The following SLC7A7 variants were observed in gnomAD, a reference collection of about 807,000 sequenced individuals.
SLC7A7 encodes the protein solute carrier family 7 member 7.
A neutral mutation model predicts 47.9 loss-of-function variants in SLC7A7; 39 were observed. The ratio of observed to expected loss-of-function variants is 0.81; its 90% CI spans 0.63 to 1.06. The LOEUF (loss-of-function observed/expected upper bound fraction) is 1.06, where lower values mean the gene tolerates loss of function less well. Ranked by LOEUF, SLC7A7 falls within the 50% of genes least tolerant of loss-of-function variation. The probability of loss-of-function intolerance (pLI) is 0.00; values close to 1 mark genes in which losing one functional copy is unlikely to be tolerated. For synonymous variants in SLC7A7, 234 were observed against 242.8 expected (o/e 0.96, Z 0.34); for missense variants, 588 against 632.0 (o/e 0.93, Z 0.75).
chr14:22,798,909 A>G (rs8006959), intron 2 of SLC7A7, among the ~76,000 whole-genome samples: 11,956 of 152,138 alleles, frequency 0.079, 551 homozygotes, highest in African/African-American at 0.12. Flanking sequence ...CACCTCCCCA[A>G]TTAACTACAC....
chr14:22,804,936 G>T (rs2039175461), intron 2 of SLC7A7, among the ~76,000 whole-genome samples: 1 of 152,234 alleles, frequency 6.6e-6, no homozygotes, highest in African/African-American at 2.4e-5. Context: ...GAACTTGGGA[G>T]GCGGAGGTTG....
At chr14:22,795,441 T>C (rs1209285696) in intron 2 of SLC7A7, among the ~76,000 whole-genome samples, 5 of 50,600 alleles carry the variant, frequency 9.9e-5, no homozygotes, top group African/African-American at 3.0e-4. Flanking sequence ...TTTCTTTCTT[T>C]CTTTTCTATT....
intron 2 of SLC7A7, among the ~76,000 whole-genome samples, chr14:22,781,369 C>T (rs899442002): frequency 6.6e-6 from 1 of 152,122 alleles, no homozygotes; most frequent in African/African-American, 2.4e-5. Context: ...CTCAGAACAG[C>T]TGCCCCATCT....
At chr14:22,788,134 A>G (rs1310072744) in intron 2 of SLC7A7, among the ~76,000 whole-genome samples, 1 of 152,140 alleles carries the variant, frequency 6.6e-6, no homozygotes, top group Non-Finnish European at 1.5e-5. Context: ...ATCACTGTAG[A>G]CCTTTCTGTA....
At position 22,776,195 on chromosome 14, in the gene SLC7A7, C is replaced by T; in HGVS notation, c.894G>A (p.Val298=). 1 of 1,614,170 alleles carries T rather than the reference C, an allele frequency of 6.2e-7. No homozygotes were observed. Among genetic ancestry groups the T allele is most frequent in the Non-Finnish European group, 8.5e-7 (1 of 1,180,034 alleles). ...RDILASDAVA[V]TFADQIFGIF... is the part of the protein sequence containing the mutation. Reference sequence around the variant, plus strand: ...CCTTCTGCTAGTGAAAATCCTTTACCACAGCAACAGCATCACTGGCCAAGA... The same window carrying T: ...CCTTCTGCTAGTGAAAATCCTTTACTACAGCAACAGCATCACTGGCCAAGA... Residue 298 remains valine (V), a splice_region_variant and synonymous_variant, in exon 5 of 10, where the codon GTG becomes GTA. Transcript: ENST00000674313.
chr14:22,793,432 A>G (rs2139423470), intron 2 of SLC7A7, among the ~76,000 whole-genome samples: 1 of 152,312 alleles, frequency 6.6e-6, no homozygotes, highest in Admixed American at 6.5e-5. Context: ...GACAAAGAGG[A>G]TAACAGCCCT....
chr14:22,790,478 T>A (rs561278717), intron 2 of SLC7A7, among the ~76,000 whole-genome samples: 1 of 152,184 alleles, frequency 6.6e-6, no homozygotes, highest in African/African-American at 2.4e-5. Flanking sequence ...TACTGAAATT[T>A]CCCTCTCACT....
intron 2 of SLC7A7, among the ~76,000 whole-genome samples, chr14:22,789,496 T>C (rs941977387): frequency 3.3e-5 from 5 of 151,648 alleles, no homozygotes; most frequent in Non-Finnish European, 7.4e-5. Flanking sequence ...GGTGTGGTGG[T>C]GGGTGCCTAT....
chr14:22,784,990 T>G (rs1175481288), intron 2 of SLC7A7, among the ~76,000 whole-genome samples: 5 of 152,098 alleles, frequency 3.3e-5, no homozygotes, highest in Non-Finnish European at 5.9e-5. Flanking sequence ...TTAAAAGTGA[T>G]CTATAGAGCC....
intron 2 of SLC7A7, among the ~76,000 whole-genome samples, chr14:22,802,201 G>A (rs538590376): frequency 9.2e-5 from 14 of 152,128 alleles, no homozygotes; most frequent in African/African-American, 3.1e-4. Context: ...TCAGGAGTTC[G>A]AGACCAGCCT....
chr14:22,798,829 G>C (rs1364239821), intron 2 of SLC7A7, among the ~76,000 whole-genome samples: 1 of 152,052 alleles, frequency 6.6e-6, no homozygotes, highest in Non-Finnish European at 1.5e-5. Flanking sequence ...AAACTTAATA[G>C]CTCCTCCAGA....
intron 2 of SLC7A7, among the ~76,000 whole-genome samples, chr14:22,806,186 TC>T (rs148444632): frequency 1.1e-4 from 13 of 118,018 alleles, no homozygotes; most frequent in East Asian, 7.9e-4. Flanking sequence ...CACATCAATC[TC>T]TTTTTTTTTT....
intron 2 of SLC7A7, among the ~76,000 whole-genome samples, chr14:22,800,240 T>A (rs1481008328): frequency 6.6e-6 from 1 of 151,818 alleles, no homozygotes; most frequent in Non-Finnish European, 1.5e-5. Flanking sequence ...GCCTTAAGAG[T>A]TTTCTCATTG....
chr14:22,795,561 G>A (rs945920342), intron 2 of SLC7A7, among the ~76,000 whole-genome samples: 5 of 151,364 alleles, frequency 3.3e-5, no homozygotes, highest in African/African-American at 9.7e-5. Context: ...TGCAAGCTCC[G>A]CCTCCCGGGT....
At chr14:22,779,425 C>A (rs565198909) in intron 3 of SLC7A7, among the ~76,000 whole-genome samples, 1 of 151,480 alleles carries the variant, frequency 6.6e-6, no homozygotes, top group East Asian at 1.9e-4. Context: ...CTCTACTTAC[C>A]GGTAGCAACT....
At chr14:22,809,907 C>T (rs373823077) in intron 2 of SLC7A7, among the ~76,000 whole-genome samples, 16 of 151,914 alleles carry the variant, frequency 1.1e-4, no homozygotes, top group African/African-American at 3.6e-4. Flanking sequence ...GGCGTGGTGG[C>T]GGGCGCCTGT....
Position 22,776,184 on chromosome 14 carries a change from A to G in SLC7A7, c.894+11T>C, listed in dbSNP as rs760215977. On this transcript the variant is annotated intron_variant, in intron 5 of 9. Coordinates refer to ENST00000674313, the MANE Select transcript of SLC7A7 (RefSeq NM_003982.4). ...GACACCCTCAACCTTCTGCTAGTGA[A>G]AATCCTTTACCACAGCAACAGCATC... The G allele has an allele frequency of 6.2e-7, 1 of 1,614,186 alleles. No homozygotes were observed. Among genetic ancestry groups the G allele is most frequent in the Admixed American group, 1.7e-5 (1 of 60,018 alleles).
chr14:22,787,558 C>T lies in SLC7A7; in HGVS notation c.500-7507G>A, dbSNP rs148483576. Among the ~76,000 whole-genome samples the T allele has an allele frequency of 9.6e-4, 144 of 150,428 alleles. 1 individual carries two copies. Among genetic ancestry groups the T allele is most frequent in the African/African-American group, 3.3e-3 (133 of 40,776 alleles). Reference sequence around the variant, plus strand: ...CTTGAGGCCAGGAGTTCGAGACCAGCCTGGCAATATGGCAAAACCCCATCT... The same window carrying T: ...CTTGAGGCCAGGAGTTCGAGACCAGTCTGGCAATATGGCAAAACCCCATCT... On this transcript the variant is annotated intron_variant, in intron 2 of 9. Coordinates refer to ENST00000674313, the MANE Select transcript of SLC7A7 (RefSeq NM_003982.4).
At position 22,774,369 on chromosome 14, in the gene SLC7A7, T is replaced by C. The variant is rs1057523919; in HGVS notation, c.1230A>G (p.Arg410=). ...GTTGCCTTACCTTGAGGGGACGAGG[T>C]CGATCAGGCTCCTTCCAGCGCAGAT... ...QLYLRWKEPD[R]PRPLKLSVFF... Residue 410 remains arginine, a synonymous_variant, in exon 8 of 10, where the codon CGA becomes CGG. Coordinates refer to ENST00000674313, the MANE Select transcript of SLC7A7 (RefSeq NM_003982.4). The C allele has an allele frequency of 1.9e-6, 3 of 1,614,020 alleles. No individual in the cohort carries two copies. Among genetic ancestry groups the C allele is most frequent in the East Asian group, 2.2e-5 (1 of 44,876 alleles).
Sources: gnomAD v4.1 joint callset for allele counts (sites outside exome capture counted in the v4.1 genomes callset) on GRCh38, gnomAD v4.1.1 for gene constraint, MANE v1.5 for transcripts, NCBI Gene and HGNC (gene_info 2026-07-23, HGNC 2026-07-21) for gene names.